Variants in DPP10 observed in about 807,000 individuals in gnomAD.
DPP10 encodes the protein inactive dipeptidyl peptidase 10.
A neutral mutation model predicts 120.9 loss-of-function variants in DPP10; 33 were observed. The ratio of observed to expected loss-of-function variants is 0.27; its 90% CI spans 0.21 to 0.37. DPP10 has a LOEUF of 0.37. DPP10 is among the 10% of genes least tolerant of loss of function. The pLI is 1.00. For missense variants in DPP10, 816 were observed against 942.8 expected (o/e 0.87, Z 1.76); for synonymous variants, 337 against 326.1 (o/e 1.03, Z -0.36).
rs561347424 is a variant in DPP10, at chr2:115,208,662, G to A, written c.61-100577G>A. ...CCAGGGACTGTAGCAGGTGTTGGGTGAATAATATGTGGAAAACTCTATCCT... is the reference window on the plus strand; with the variant it reads ...CCAGGGACTGTAGCAGGTGTTGGGTAAATAATATGTGGAAAACTCTATCCT... On this transcript the variant is annotated intron_variant, in intron 1 of 25. Transcript: ENST00000410059. Among the ~76,000 whole-genome samples the A allele has an allele frequency of 2.6e-5, 4 of 152,090 alleles. No individual in the cohort carries two copies. In the East Asian group the frequency reaches 7.8e-4, roughly 30 times the overall value.
At chr2:114,461,455 T>G (rs1678911815) in intron 1 of DPP10, 1 of 446,324 alleles carries the variant, frequency 2.2e-6, no homozygotes, top group South Asian at 9.3e-5. Context: ...TTGCGGTCTT[T>G]CAAGGTTGCC....
At chr2:115,593,412 A>G (rs946757309) in intron 5 of DPP10, among the ~76,000 whole-genome samples, 13 of 152,220 alleles carry the variant, frequency 8.5e-5, no homozygotes, top group African/African-American at 3.1e-4. Flanking sequence ...ACTTTCTGAG[A>G]AATCCACACA....
chr2:115,814,922 A>T lies in DPP10; in HGVS notation c.1830A>T (p.Lys610Asn). ...DGRGSGFQGL[K>N]ILQEIHRRLG... ...GAGGAAGTGGATTCCAGGGTCTGAA[A>T]ATTTTGCAGGAGATTCATCGAAGAT... The change falls in exon 20 of 26, where the codon AAA becomes AAT. Residue 610 changes from lysine to asparagine, a missense_variant. Transcript: ENST00000410059. The T allele has an allele frequency of 6.2e-7, 1 of 1,612,866 alleles. No individual in the cohort carries two copies. Among genetic ancestry groups the T allele is most frequent in the Non-Finnish European group, 8.5e-7 (1 of 1,179,094 alleles).
intron 7 of DPP10, among the ~76,000 whole-genome samples, chr2:115,715,339 CAAAAAAAAAA>C (rs546857779): frequency 0.023 from 1,532 of 67,692 alleles, 27 homozygotes; most frequent in Middle Eastern, 0.11. Context: ...AACTCCGTCT[CAAAAAAAAAA>C]AAAAAAAAAA....
intron 1 of DPP10, among the ~76,000 whole-genome samples, chr2:114,779,972 T>TA (rs1245048647): frequency 6.6e-6 from 1 of 151,902 alleles, no homozygotes. Flanking sequence ...CCATCTCTAC[T>TA]AAAAATACAA....
chr2:115,173,498 A>G (rs1394130341), intron 1 of DPP10, among the ~76,000 whole-genome samples: 1 of 152,230 alleles, frequency 6.6e-6, no homozygotes, highest in Non-Finnish European at 1.5e-5. Flanking sequence ...AACAGGTTAT[A>G]TAGGGCTAAA....
chr2:114,583,048 A>G (rs1690668392), intron 1 of DPP10, among the ~76,000 whole-genome samples: 1 of 152,224 alleles, frequency 6.6e-6, no homozygotes. Context: ...AAGCACTTTG[A>G]GAACACTTGC....
At chr2:115,740,090 G>A (rs1677068588) in intron 9 of DPP10, among the ~76,000 whole-genome samples, 197 bp downstream of exon 9, 1 of 152,108 alleles carries the variant, frequency 6.6e-6, no homozygotes, top group Non-Finnish European at 1.5e-5. Flanking sequence ...TGATTTGAAA[G>A]TGTGTGAACT....
chr2:114,461,187 G>A (rs1268352258), intron 1 of DPP10, among the ~76,000 whole-genome samples: 2 of 152,162 alleles, frequency 1.3e-5, no homozygotes, highest in Non-Finnish European at 2.9e-5. Context: ...ATCTGAATGA[G>A]TTAGCATTTG....
intron 1 of DPP10, among the ~76,000 whole-genome samples, chr2:115,299,442 A>G (rs1394143114): frequency 1.3e-5 from 2 of 151,990 alleles, no homozygotes; most frequent in East Asian, 3.9e-4. Context: ...GATAAGAAAT[A>G]CTGTAAGATG....
chr2:115,349,334 A>G (rs1239660815), intron 3 of DPP10, among the ~76,000 whole-genome samples: 1 of 152,148 alleles, frequency 6.6e-6, no homozygotes, highest in Non-Finnish European at 1.5e-5. Context: ...TCAGCAAGTT[A>G]TCTAAGCCTC....
At chr2:115,218,527 T>C (rs2056958698) in intron 1 of DPP10, among the ~76,000 whole-genome samples, 2 of 152,188 alleles carry the variant, frequency 1.3e-5, no homozygotes, top group Non-Finnish European at 1.5e-5. Flanking sequence ...CGTACTGACA[T>C]AGATTCAAAG....
intron 1 of DPP10, among the ~76,000 whole-genome samples, chr2:114,499,593 AAG>A (rs1403215388): frequency 6.6e-6 from 1 of 150,904 alleles, no homozygotes; most frequent in African/African-American, 2.5e-5. Context: ...TTTCTGGGTT[AAG>A]AGCAGGGACT....
At position 115,777,706 on chromosome 2, in the gene DPP10, A is replaced by C; in HGVS notation, c.1314-81A>C. On this transcript the variant is annotated intron_variant, in intron 14 of 25. Coordinates refer to ENST00000410059, the MANE Select transcript of DPP10 (RefSeq NM_020868.6). ...AAGATTCAATGTGAATTCAGGATTCAATGTGACAATGTGACAAAATTCACA... is the reference window on the plus strand; with the variant it reads ...AAGATTCAATGTGAATTCAGGATTCCATGTGACAATGTGACAAAATTCACA... 2.1e-6 allele frequency: 3 copies of C among 1,406,306 alleles called. No individual in the cohort carries two copies. The South Asian group carries it at 3.6e-5, about 17-fold the overall frequency. 87.1% of individuals were successfully genotyped at this position (1,406,306 alleles called of 1,614,324 possible).
At chr2:115,773,200 A>G (rs1390280639) in intron 13 of DPP10, among the ~76,000 whole-genome samples, 1 of 152,142 alleles carries the variant, frequency 6.6e-6, no homozygotes, top group Non-Finnish European at 1.5e-5. Flanking sequence ...AAGCACTACA[A>G]TATTTCCCTT....
chr2:114,696,276 G>T (rs1302289857), intron 1 of DPP10, among the ~76,000 whole-genome samples: 1 of 151,916 alleles, frequency 6.6e-6, no homozygotes, highest in East Asian at 1.9e-4. Flanking sequence ...AAAATTAGGA[G>T]AAAAAAGAAT....
At chr2:115,356,282 G>A (rs2064382042) in intron 3 of DPP10, among the ~76,000 whole-genome samples, 1 of 152,052 alleles carries the variant, frequency 6.6e-6, no homozygotes, top group African/African-American at 2.4e-5. Context: ...TCCCTAGTTA[G>A]CTATATTCCT....
At chr2:115,349,802 T>A (rs928958661) in intron 3 of DPP10, among the ~76,000 whole-genome samples, 3 of 152,160 alleles carry the variant, frequency 2.0e-5, no homozygotes, top group African/African-American at 7.2e-5. Flanking sequence ...TTATTGTCCA[T>A]CAACTTCACT....
intron 1 of DPP10, among the ~76,000 whole-genome samples, chr2:115,001,323 G>C (rs1189063181): frequency 6.6e-6 from 1 of 152,132 alleles, no homozygotes; most frequent in Non-Finnish European, 1.5e-5. Context: ...AATAGATGCA[G>C]ATAAGCCTTG....
Sources: allele counts gnomAD v4.1 joint callset (sites outside exome capture counted in the v4.1 genomes callset), GRCh38; gene constraint gnomAD v4.1.1; transcripts MANE v1.5; gene names NCBI Gene and HGNC (gene_info 2026-07-23, HGNC 2026-07-21).